The following ITIH5 variants were observed in gnomAD, a reference collection of about 807,000 sequenced individuals.
ITIH5 encodes the protein inter-alpha-trypsin inhibitor heavy chain H5.
A neutral mutation model predicts 77.5 loss-of-function variants in ITIH5; 65 were observed. That is an observed-to-expected ratio of 0.84 (90% CI 0.69 to 1.03). The LOEUF is 1.03. ITIH5 is among the 50% of genes least tolerant of loss of function. The pLI is 0.00. For synonymous variants in ITIH5, 525 were observed against 494.3 expected, an observed-to-expected ratio of 1.06 and a Z score of -0.82; for missense variants, 1,208 against 1,213.1, an observed-to-expected ratio of 1.00 and a Z score of 0.06.
chr10:7,566,017 C>A lies in ITIH5; in HGVS notation c.2527+13G>T. ...CCCTCTATGCCCAGCGTGAGGAGAG[C>A]GCAGCTTCCTACCCAGCAGTCCGTG... On this transcript the variant is annotated intron_variant, in intron 13 of 13. Transcript: ENST00000397146. 1 of 1,610,180 alleles carries A rather than the reference C, an allele frequency of 6.2e-7. No individual in the cohort carries two copies. Among genetic ancestry groups the A allele is most frequent in the Non-Finnish European group, 8.5e-7 (1 of 1,177,700 alleles).
At position 7,564,011 on chromosome 10, in the gene ITIH5, A is replaced by C. The variant is rs375485760; in HGVS notation, c.2528-627T>G. 1.4e-4 allele frequency among the ~76,000 whole-genome samples: 22 copies of C among 152,404 alleles called. No individual in the cohort carries two copies. In the South Asian group the frequency reaches 3.7e-3, roughly 26 times the overall value. On this transcript the variant is annotated intron_variant, in intron 13 of 13. Transcript: ENST00000397146. ...CTCTTTATTTTTGGGCAAGGGGCCC[A>C]CATGAAATTACACGTTGAAGAAAGC...
chr10:7,626,151 C>T (rs993771019), intron 5 of ITIH5, among the ~76,000 whole-genome samples: 8 of 152,156 alleles, frequency 5.3e-5, no homozygotes, highest in African/African-American at 1.9e-4. Flanking sequence ...GCCACAGCTG[C>T]GATGGCCCAG....
At chr10:7,593,184 C>T (rs1230334188) in intron 7 of ITIH5, among the ~76,000 whole-genome samples, 1 of 152,126 alleles carries the variant, frequency 6.6e-6, no homozygotes, top group Non-Finnish European at 1.5e-5. Flanking sequence ...CAGCTACAGG[C>T]TCCTTATGAC....
chr10:7,615,953 G>A (rs746918090), intron 7 of ITIH5, 29 bp downstream of exon 7: 3 of 1,323,238 alleles, frequency 2.3e-6, no homozygotes, highest in South Asian at 1.2e-5. Flanking sequence ...AGCGAGAGAG[G>A]AATAAATGGG....
Position 7,566,178 on chromosome 10 carries a change from G to A in ITIH5, c.2379C>T (p.Asn793=), listed in dbSNP as rs142836742. 105 of 1,613,944 alleles carry A rather than the reference G, an allele frequency of 6.5e-5. No homozygotes were observed. The highest frequency in any genetic ancestry group is 7.6e-5 in the Non-Finnish European group (90 of 1,180,010). ...CCTGGATGGTGACGGTGACATTGGC[G>A]TTGGCAGACACGGACACCTCCAGCC... ...SWGLEVSVSA[N]ANVTVTIQGS... Residue 793 remains asparagine (N), a synonymous_variant, in exon 13 of 14, where the codon AAC becomes AAT. Coordinates refer to ENST00000397146, the MANE Select transcript of ITIH5 (RefSeq NM_030569.7).
chr10:7,560,580 C>G lies in ITIH5; in HGVS notation c.*2503G>C, dbSNP rs2050351. The G allele has an allele frequency of 0.97, 147,414 of 152,364 alleles. 71,529 individuals are homozygous for G. The highest frequency in any genetic ancestry group is 1 in the East Asian group (5,178 of 5,178). 9.4% of individuals were successfully genotyped at this position (152,364 alleles called of 1,614,324 possible). On this transcript the variant is annotated 3_prime_UTR_variant, in exon 14 of 14. Coordinates refer to ENST00000397146, the MANE Select transcript of ITIH5 (RefSeq NM_030569.7). ...GATGGTGCACCTAGCATGGGGCCGT[C>G]GGGGGTCAGGGGAGGATAGAGAACA...
At position 7,559,834 on chromosome 10, in the gene ITIH5, C is replaced by A. The variant is rs1220808010; in HGVS notation, c.*3249G>T. 4 of 453,920 alleles carry A rather than the reference C, an allele frequency of 8.8e-6. No individual in the cohort carries two copies. Among genetic ancestry groups the A allele is most frequent in the Admixed American group, 2.4e-5 (1 of 42,302 alleles). 28.1% of individuals were successfully genotyped at this position (453,920 alleles called of 1,614,324 possible). A position where few individuals can be genotyped will look rare whatever the true frequency, so the allele number is the denominator to read the frequency against. ...GTGGTGGAGAGGAAAAACACCATCT[C>A]TCCCATGTCTTTTTTTTGTTTTGTT... On this transcript the variant is annotated 3_prime_UTR_variant, in exon 14 of 14. Coordinates refer to ENST00000397146, the MANE Select transcript of ITIH5 (RefSeq NM_030569.7).
At chr10:7,573,686 A>AC (rs1167009381) in intron 10 of ITIH5, among the ~76,000 whole-genome samples, 1 of 151,354 alleles carries the variant, frequency 6.6e-6, no homozygotes, top group Non-Finnish European at 1.5e-5. Context: ...AAAAAAAAAA[A>AC]AAAAGGAAAA....
chr10:7,637,263 T>C lies in ITIH5; in HGVS notation c.617A>G (p.His206Arg), dbSNP rs780443649. The C allele has an allele frequency of 9.3e-6, 15 of 1,611,034 alleles. No homozygotes were observed. The highest frequency in any genetic ancestry group is 6.7e-5 in the East Asian group (3 of 44,876). ...CCCACTGCCCCTCTGCCTGCTGTTG[T>C]GAAGCGGCAGCACCTCCAGGGATGC... ...GIASLEVLPLHNSRQRGSGRG... is the reference protein window; with the variant it reads ...GIASLEVLPLRNSRQRGSGRG... The change falls in exon 5 of 14, where the codon CAC becomes CGC. Residue 206 changes from histidine to arginine, a missense_variant. His to Arg is a conservative substitution (Grantham distance 29). Transcript: ENST00000397146.
intron 3 of ITIH5, 82 bp from the exon 4 acceptor site, chr10:7,640,937 C>A (rs1343381477): frequency 3.0e-5 from 27 of 913,046 alleles, no homozygotes; most frequent in Middle Eastern, 4.3e-4. Flanking sequence ...ATGACAACCC[C>A]AGGAAATATT....
At chr10:7,640,919 T>A (rs900350512) in intron 3 of ITIH5, 64 bp from the exon 4 acceptor site, 2 of 1,057,886 alleles carry the variant, frequency 1.9e-6, no homozygotes, top group Non-Finnish European at 2.9e-6. Flanking sequence ...GACATGGATC[T>A]TATAACCATG....
chr10:7,576,074 G>A (rs1448113779), intron 10 of ITIH5, among the ~76,000 whole-genome samples: 1 of 152,152 alleles, frequency 6.6e-6, no homozygotes, highest in Non-Finnish European at 1.5e-5. Context: ...ACCCAGGTTG[G>A]AGAGCAATGG....
At chr10:7,585,779 C>A (rs1832660201) in intron 8 of ITIH5, 122 bp downstream of exon 8, 3 of 825,428 alleles carry the variant, frequency 3.6e-6, no homozygotes, top group Non-Finnish European at 5.6e-6. Context: ...CGCCTGCAGT[C>A]TCCCTTCCTG....
At chr10:7,599,096 T>G (rs1832964772) in intron 7 of ITIH5, among the ~76,000 whole-genome samples, 1 of 152,252 alleles carries the variant, frequency 6.6e-6, no homozygotes, top group Non-Finnish European at 1.5e-5. Flanking sequence ...TCTGCTATTC[T>G]TTACGACATA....
At chr10:7,620,540 A>C (rs1306910950) in intron 5 of ITIH5, 2 of 152,174 alleles carry the variant, frequency 1.3e-5, no homozygotes, top group African/African-American at 4.8e-5. Flanking sequence ...TACCTATGTA[A>C]AATTTTATCA....
chr10:7,569,605 C>T (rs1198937079), intron 12 of ITIH5, 63 bp downstream of exon 12: 4 of 1,030,696 alleles, frequency 3.9e-6, no homozygotes, highest in Non-Finnish European at 4.3e-6. Flanking sequence ...ATCTGAAGAA[C>T]AGAGGGGGAT....
rs79186827 is a variant in ITIH5, at chr10:7,585,995, G to C, written c.1014C>G (p.Asn338Lys). Residue 338 changes from asparagine to lysine, a missense_variant, in exon 8 of 14, where the codon AAC (asparagine) becomes AAG (lysine). Asn to Lys is a moderately conservative substitution (Grantham distance 94). Transcript: ENST00000397146. ...QDRFSIIGFS[N>K]RIKVWKDHLI... ...AGTGGTCCTTCCATACTTTGATCCG[G>C]TTGGAAAATCCAATGATACTGAAAC... is the stretch of plus-strand genomic sequence containing the variant. The C allele has an allele frequency of 5.6e-6, 9 of 1,614,052 alleles. No homozygotes were observed. In the East Asian group the frequency reaches 1.8e-4, roughly 32 times the overall value.
intron 7 of ITIH5, among the ~76,000 whole-genome samples, chr10:7,599,024 T>C (rs1832963274): frequency 6.6e-6 from 1 of 152,258 alleles, no homozygotes; most frequent in African/African-American, 2.4e-5. Context: ...GACAAGTGTA[T>C]CAAACATTTA....
chr10:7,659,934 C>T (rs531010792), intron 1 of ITIH5, among the ~76,000 whole-genome samples: 7 of 152,132 alleles, frequency 4.6e-5, no homozygotes, highest in Admixed American at 6.5e-5. Context: ...TTTTAAGAAA[C>T]GAGGGGTGGA....
Sources: gnomAD v4.1 joint callset for allele counts (sites outside exome capture counted in the v4.1 genomes callset) on GRCh38, gnomAD v4.1.1 for gene constraint, MANE v1.5 for transcripts, NCBI Gene and HGNC (gene_info 2026-07-23, HGNC 2026-07-21) for gene names.